PPP6C: variants seen among roughly 807,000 people sequenced by gnomAD.
PPP6C encodes serine/threonine-protein phosphatase 6 catalytic subunit.
PPP6C carries 11 observed loss-of-function variants against 39.8 expected under a neutral mutation model. That is an observed-to-expected ratio of 0.28 (90% CI 0.17 to 0.46). The LOEUF (loss-of-function observed/expected upper bound fraction) is 0.46, where lower values mean the gene tolerates loss of function less well. Among genes scored for constraint, PPP6C ranks in the 20% least tolerant of loss-of-function variants. The pLI is 1.00. For synonymous variants in PPP6C, 129 were observed against 130.3 expected, an observed-to-expected ratio of 0.99 and a Z score of 0.07; for missense variants, 211 against 373.9, an observed-to-expected ratio of 0.56 and a Z score of 3.59.
chr9:125,150,823 G>C, intron 6 of PPP6C: 1 of 758,674 alleles, frequency 1.3e-6, no homozygotes, highest in South Asian at 1.3e-5. Flanking sequence ...ATTCAGAGTG[G>C]TTGTGGCAAA....
intron 2 of PPP6C, among the ~76,000 whole-genome samples, chr9:125,163,294 G>A (rs931814105): frequency 2.6e-5 from 4 of 152,130 alleles, no homozygotes; most frequent in Admixed American, 6.5e-5. Context: ...ATTCTATTAT[G>A]TAAAAAATTG....
At chr9:125,155,209 CTACA>C (rs1415899564) in intron 4 of PPP6C, among the ~76,000 whole-genome samples, 12 of 152,104 alleles carry the variant, frequency 7.9e-5, no homozygotes, top group African/African-American at 2.2e-4. Context: ...CCCTGACTGT[CTACA>C]TAGTTAATAG....
At chr9:125,160,959 G>GC in intron 2 of PPP6C, 53 bp from the exon 3 acceptor site, 1 of 1,276,934 alleles carries the variant, frequency 7.8e-7, no homozygotes, top group African/African-American at 1.5e-5. Context: ...AAGAAGCAAA[G>GC]CAACAAAACT....
At chr9:125,151,941 TTTTC>T (rs1835957927) in intron 6 of PPP6C, among the ~76,000 whole-genome samples, 1 of 151,948 alleles carries the variant, frequency 6.6e-6, no homozygotes, top group South Asian at 2.1e-4. Context: ...TGCTTCAGGG[TTTTC>T]TTTGTTGAGA....
At chr9:125,189,607 C>T (rs1284093794) in intron 1 of PPP6C, 37 bp downstream of exon 1, 3 of 1,611,312 alleles carry the variant, frequency 1.9e-6, no homozygotes, top group Non-Finnish European at 2.5e-6. Flanking sequence ...GCGGGCGCCC[C>T]ACAGCCGGAA....
intron 2 of PPP6C, among the ~76,000 whole-genome samples, chr9:125,162,981 A>C (rs569933233): frequency 6.6e-6 from 1 of 152,068 alleles, no homozygotes; most frequent in Non-Finnish European, 1.5e-5. Flanking sequence ...CAGGAGGCTG[A>C]GGCAGGAGAA....
At chr9:125,170,255 T>C (rs928919046) in intron 2 of PPP6C, among the ~76,000 whole-genome samples, 1 of 151,770 alleles carries the variant, frequency 6.6e-6, no homozygotes, top group African/African-American at 2.4e-5. Context: ...TTTTTTTTTT[T>C]AGACAGAGTC....
intron 1 of PPP6C, among the ~76,000 whole-genome samples, chr9:125,185,190 C>A (rs1194454340): frequency 6.6e-6 from 1 of 151,810 alleles, no homozygotes; most frequent in Non-Finnish European, 1.5e-5. Context: ...TGGATAAAAT[C>A]ACATGAGCTC....
At chr9:125,157,743 T>C (rs1250608280) in intron 4 of PPP6C, among the ~76,000 whole-genome samples, 2 of 146,916 alleles carry the variant, frequency 1.4e-5, no homozygotes, top group Non-Finnish European at 3.0e-5. Flanking sequence ...CAGGCTGGAG[T>C]GCTGTGGCAT....
At chr9:125,155,287 A>G (rs76248839) in intron 4 of PPP6C, among the ~76,000 whole-genome samples, 1 of 146,904 alleles carries the variant, frequency 6.8e-6, no homozygotes, top group African/African-American at 2.5e-5. Context: ...ATAATTTTAG[A>G]AAAAAAAAAA....
intron 1 of PPP6C, among the ~76,000 whole-genome samples, chr9:125,186,001 A>G (rs1351744768): frequency 2.0e-5 from 3 of 152,082 alleles, no homozygotes; most frequent in Non-Finnish European, 4.4e-5. Context: ...AGTTATGTAG[A>G]TTTGATCCAG....
In PPP6C at chr9:125,184,096, A is replaced by AT. The variant is rs80282176; in HGVS notation, c.75+5547dup. On this transcript the variant is annotated intron_variant, in intron 1 of 6. Transcript: ENST00000373547. ...TAGCAAGACGCTATCCCTTAAAAAA[A>AT]TTTTTTTTTTGCCAGGCGCGGTGGC... 1.2e-4 allele frequency among the ~76,000 whole-genome samples: 18 copies of AT among 151,120 alleles called. No homozygotes were observed. In the East Asian group the frequency reaches 1.4e-3, roughly 11 times the overall value.
intron 1 of PPP6C, among the ~76,000 whole-genome samples, chr9:125,172,519 T>A (rs1297848900): frequency 6.6e-6 from 1 of 152,176 alleles, no homozygotes; most frequent in Non-Finnish European, 1.5e-5. Context: ...TGTTTACACA[T>A]TCTTGAAATG....
Position 125,149,659 on chromosome 9 carries a change from G to C in PPP6C, c.*14C>G. 1.2e-6 allele frequency: 2 copies of C among 1,611,264 alleles called. No homozygotes were observed. The highest frequency in any genetic ancestry group is 1.7e-6 in the Non-Finnish European group (2 of 1,177,644). ...AGAGGGCAGAAAAATGGGTCAGCAGGATGGGCGAAGGCCTCAAAGGAAATA... is the reference window on the plus strand; with the variant it reads ...AGAGGGCAGAAAAATGGGTCAGCAGCATGGGCGAAGGCCTCAAAGGAAATA... On this transcript the variant is annotated 3_prime_UTR_variant, in exon 7 of 7. Coordinates refer to ENST00000373547, the MANE Select transcript of PPP6C (RefSeq NM_002721.5).
intron 4 of PPP6C, among the ~76,000 whole-genome samples, chr9:125,155,309 A>AC (rs1417928077): frequency 1.3e-5 from 2 of 152,092 alleles, no homozygotes; most frequent in Admixed American, 6.6e-5. Flanking sequence ...CTGACATATC[A>AC]CTATTGCCTT....
intron 1 of PPP6C, among the ~76,000 whole-genome samples, chr9:125,172,720 A>AAC (rs72238242): frequency 0.025 from 3,663 of 144,738 alleles, 129 homozygotes; most frequent in Admixed American, 0.086. Flanking sequence ...AATACACACA[A>AAC]ACACACACAC....
Position 125,189,750 on chromosome 9 carries a change from G to A in PPP6C, c.-32C>T, listed in dbSNP as rs1554724102. On this transcript the variant is annotated 5_prime_UTR_variant, in exon 1 of 7. Transcript: ENST00000373547. The stretch of plus-strand genomic sequence containing the variant: ...AATAACAAGCCGCGGCAACAGCGGC[G>A]GCGGCGGCTGTAGCAGCGGCGGCGG... 5.1e-6 allele frequency: 8 copies of A among 1,560,034 alleles called. No homozygotes were observed. The highest frequency in any genetic ancestry group is 6.9e-6 in the Non-Finnish European group (8 of 1,156,950).
At chr9:125,189,490 T>C in intron 1 of PPP6C, 154 bp downstream of exon 1, 1 of 1,452,494 alleles carries the variant, frequency 6.9e-7, no homozygotes, top group South Asian at 1.4e-5. Flanking sequence ...CGCGAGACCC[T>C]CGGCGTGACG....
At chr9:125,150,837 A>C in intron 6 of PPP6C, 1 of 777,100 alleles carries the variant, frequency 1.3e-6, no homozygotes, top group Non-Finnish European at 2.3e-6. Context: ...TGGCAAAATC[A>C]ATGACAATTT....
Sources: allele counts gnomAD v4.1 joint callset (sites outside exome capture counted in the v4.1 genomes callset), GRCh38; gene constraint gnomAD v4.1.1; transcripts MANE v1.5; gene names NCBI Gene and HGNC (gene_info 2026-07-23, HGNC 2026-07-21).